The following STXBP6 variants were observed in gnomAD, a reference collection of about 807,000 sequenced individuals.
STXBP6 encodes the protein syntaxin binding protein 6, also known as syntaxin-binding protein 6.
STXBP6 carries 21 observed loss-of-function variants against 26.9 expected under a neutral mutation model. The ratio of observed to expected loss-of-function variants is 0.78; its 90% CI spans 0.55 to 1.12. STXBP6 has a LOEUF of 1.12. Ranked by LOEUF, STXBP6 falls within the 50% of genes most tolerant of loss-of-function variation. STXBP6 has a pLI of 0.00. For missense variants in STXBP6, 232 were observed against 257.9 expected (o/e 0.90, Z 0.69); for synonymous variants, 97 against 92.6 (o/e 1.05, Z -0.27).
Position 24,839,052 on chromosome 14 carries a change from C to T in STXBP6, c.451+16884G>A, listed in dbSNP as rs111702210. On this transcript the variant is annotated intron_variant, in intron 4 of 5. Transcript: ENST00000323944. ...CATAAAATGAAGGCTGGAAACATTA[C>T]AAAATCTCCCTTCTCAACTGGGAGC... Among the ~76,000 whole-genome samples the T allele has an allele frequency of 1.4e-4, 21 of 152,286 alleles. 1 individual carries two copies. The highest frequency in any genetic ancestry group is 4.8e-4 in the African/African-American group (20 of 41,570).
intron 1 of STXBP6, among the ~76,000 whole-genome samples, chr14:25,016,277 T>C (rs372351597): frequency 1.3e-4 from 20 of 152,302 alleles, no homozygotes; most frequent in African/African-American, 4.8e-4. Flanking sequence ...CTGTTATCTA[T>C]TTTAAAGATT....
chr14:24,935,524 A>G (rs1282030863), intron 2 of STXBP6, among the ~76,000 whole-genome samples: 3 of 152,210 alleles, frequency 2.0e-5, no homozygotes, highest in African/African-American at 7.2e-5. Context: ...TTTCAAAAGG[A>G]AGAAAAACAT....
At chr14:24,891,478 A>T (rs550448326) in intron 2 of STXBP6, among the ~76,000 whole-genome samples, 1 of 152,228 alleles carries the variant, frequency 6.6e-6, no homozygotes, top group African/African-American at 2.4e-5. Flanking sequence ...CTAAAACCTC[A>T]CCATTAATTC....
At chr14:25,024,799 A>G (rs2075319611) in intron 1 of STXBP6, among the ~76,000 whole-genome samples, 1 of 152,210 alleles carries the variant, frequency 6.6e-6, no homozygotes, top group African/African-American at 2.4e-5. Flanking sequence ...GCAGGTTGGG[A>G]CAAAAACTTA....
At chr14:24,910,575 T>A (rs916848051) in intron 2 of STXBP6, among the ~76,000 whole-genome samples, 25 of 152,212 alleles carry the variant, frequency 1.6e-4, no homozygotes, top group Non-Finnish European at 5.9e-5. Context: ...ATGCTCGGTC[T>A]TAAAATCAAT....
chr14:24,820,207 A>G (rs1199198256), intron 4 of STXBP6, among the ~76,000 whole-genome samples: 1 of 152,234 alleles, frequency 6.6e-6, no homozygotes, highest in Non-Finnish European at 1.5e-5. Flanking sequence ...AGTTTATTAC[A>G]TCATTTAACT....
chr14:24,818,565 T>C (rs1353907097), intron 5 of STXBP6, among the ~76,000 whole-genome samples: 1 of 152,172 alleles, frequency 6.6e-6, no homozygotes, highest in Non-Finnish European at 1.5e-5. Context: ...TCCCTGGGAC[T>C]GGGGCTTGCT....
chr14:24,849,081 A>C (rs2069059589), intron 4 of STXBP6, among the ~76,000 whole-genome samples: 1 of 152,132 alleles, frequency 6.6e-6, no homozygotes, highest in Non-Finnish European at 1.5e-5. Context: ...GGGTCCCAAT[A>C]ACAAAAACAC....
chr14:24,848,200 C>A (rs527965945), intron 4 of STXBP6, among the ~76,000 whole-genome samples: 8 of 152,200 alleles, frequency 5.3e-5, no homozygotes, highest in Middle Eastern at 3.4e-3. Context: ...TCAAAAATCC[C>A]ATTTGATTTA....
intron 4 of STXBP6, among the ~76,000 whole-genome samples, chr14:24,855,517 T>C (rs1268881603): frequency 6.6e-6 from 1 of 152,096 alleles, no homozygotes; most frequent in Non-Finnish European, 1.5e-5. Context: ...GAAGCATCTG[T>C]TGGAATTTTT....
chr14:24,826,872 A>G (rs1235653620), intron 4 of STXBP6, among the ~76,000 whole-genome samples: 1 of 152,194 alleles, frequency 6.6e-6, no homozygotes, highest in Non-Finnish European at 1.5e-5. Context: ...CTATGAGCCT[A>G]TGCTTTTTCA....
At chr14:25,018,571 T>G (rs1211809566) in intron 1 of STXBP6, among the ~76,000 whole-genome samples, 1 of 152,116 alleles carries the variant, frequency 6.6e-6, no homozygotes. Context: ...CTTTCCACAC[T>G]CCTTCCTCAA....
intron 1 of STXBP6, among the ~76,000 whole-genome samples, chr14:25,033,297 C>T (rs540836416): frequency 1.6e-4 from 24 of 152,282 alleles, no homozygotes; most frequent in African/African-American, 5.1e-4. Context: ...TACCTCCACC[C>T]GGTTCGCTCC....
At chr14:24,994,172 C>G (rs557071357) in intron 1 of STXBP6, among the ~76,000 whole-genome samples, 1 of 152,270 alleles carries the variant, frequency 6.6e-6, no homozygotes, top group East Asian at 1.9e-4. Flanking sequence ...AGGAGTAGTT[C>G]TGAAGAAAGA....
chr14:25,032,677 TCA>T (rs1268928175), intron 1 of STXBP6, among the ~76,000 whole-genome samples: 15 of 152,306 alleles, frequency 9.8e-5, no homozygotes, highest in African/African-American at 3.1e-4. Flanking sequence ...AGAACAGATT[TCA>T]CAGAGTCCCT....
chr14:24,966,548 G>C lies in STXBP6; in HGVS notation c.154+8117C>G, dbSNP rs117579494. On this transcript the variant is annotated intron_variant, in intron 2 of 5. Coordinates refer to ENST00000323944, the MANE Select transcript of STXBP6 (RefSeq NM_001394410.1). ...TGTAAAGTAGAAATAACAAGAGAAG[G>C]CTGTTGTGAGGATTAAATGAGATGA... Among the ~76,000 whole-genome samples the C allele has an allele frequency of 7.8e-4, 119 of 152,294 alleles. 3 individuals carry two copies. The East Asian group carries it at 0.022, about 29-fold the overall frequency.
chr14:24,968,104 T>A (rs1036921898), intron 2 of STXBP6, among the ~76,000 whole-genome samples: 32 of 151,138 alleles, frequency 2.1e-4, no homozygotes, highest in South Asian at 4.2e-4. Flanking sequence ...GATGAATACT[T>A]TTAACTTTTA....
chr14:24,869,624 T>A (rs12886766), intron 2 of STXBP6, among the ~76,000 whole-genome samples: 25,299 of 152,134 alleles, frequency 0.17, 2,420 homozygotes, highest in Non-Finnish European at 0.23. Context: ...CTAAATCGCA[T>A]CATAATTGGG....
rs147503539 is a variant in STXBP6 at position 25,029,542 on chromosome 14, T to C, written c.-33+20336A>G. ...GAAACAAAAAATTTGTGTGACTTAC[T>C]TTATTGCAATATTTCCTTTATTGTT... On this transcript the variant is annotated intron_variant, in intron 1 of 5. Coordinates refer to ENST00000323944, the MANE Select transcript of STXBP6 (RefSeq NM_001394410.1). Among the ~76,000 whole-genome samples the C allele has an allele frequency of 2.2e-3, 339 of 152,322 alleles. 3 individuals are homozygous for C. Among genetic ancestry groups the C allele is most frequent in the African/African-American group, 7.8e-3 (322 of 41,534 alleles).
Sources: gnomAD v4.1 joint callset for allele counts (sites outside exome capture counted in the v4.1 genomes callset) on GRCh38, gnomAD v4.1.1 for gene constraint, MANE v1.5 for transcripts, NCBI Gene and HGNC (gene_info 2026-07-23, HGNC 2026-07-21) for gene names.